SLC35F4: variants seen among roughly 807,000 people sequenced by gnomAD.
SLC35F4 encodes the protein chromosome 14 open reading frame 36.
Under a neutral mutation model 44.2 loss-of-function variants are expected in SLC35F4, and 24 were observed. The ratio of observed to expected loss-of-function variants is 0.54; its 90% confidence interval spans 0.39 to 0.76. The LOEUF (loss-of-function observed/expected upper bound fraction) is 0.76, where lower values mean the gene tolerates loss of function less well. Ranked by LOEUF, SLC35F4 falls within the 30% of genes least tolerant of loss-of-function variation. SLC35F4 has a pLI of 0.00. For synonymous variants in SLC35F4, 238 were observed against 223.6 expected, an observed-to-expected ratio of 1.06 and a Z score of -0.57; for missense variants, 562 against 586.1, an observed-to-expected ratio of 0.96 and a Z score of 0.42.
At chr14:57,711,483 T>A (rs2075816682) in intron 1 of SLC35F4, among the ~76,000 whole-genome samples, 1 of 152,158 alleles carries the variant, frequency 6.6e-6, no homozygotes, top group African/African-American at 2.4e-5. Context: ...TCATATGAAA[T>A]GGCCATTATG....
At chr14:57,822,137 G>C (rs535651095) in intron 1 of SLC35F4, among the ~76,000 whole-genome samples, 1 of 152,206 alleles carries the variant, frequency 6.6e-6, no homozygotes, top group Non-Finnish European at 1.5e-5. Context: ...TGACAGCTCA[G>C]ACCTCATGGG....
upstream of SLC35F4, among the ~76,000 whole-genome samples, chr14:57,867,609 C>CA (rs386381465): frequency 2.0e-5 from 3 of 151,770 alleles, no homozygotes; most frequent in East Asian, 2.0e-4. Flanking sequence ...TACACCCCCC[C>CA]CCACGTGAAA....
At chr14:57,772,938 T>A (rs1203844823) in intron 1 of SLC35F4, among the ~76,000 whole-genome samples, 1 of 152,218 alleles carries the variant, frequency 6.6e-6, no homozygotes. Flanking sequence ...CCGTACTGTT[T>A]TCCATAGAGG....
At chr14:57,632,216 T>C (rs570322304) in intron 1 of SLC35F4, among the ~76,000 whole-genome samples, 4 of 152,138 alleles carry the variant, frequency 2.6e-5, no homozygotes, top group Non-Finnish European at 5.9e-5. Flanking sequence ...AGCAGTAGTT[T>C]GCAGTTCTAG....
At chr14:57,920,766 A>C (rs1239107078) in intron 1 of SLC35F4, among the ~76,000 whole-genome samples, 1 of 152,236 alleles carries the variant, frequency 6.6e-6, no homozygotes, top group Non-Finnish European at 1.5e-5. Flanking sequence ...TATTCTAATT[A>C]GGTCTATAAC....
chr14:57,751,595 T>G (rs75723057), intron 1 of SLC35F4, among the ~76,000 whole-genome samples: 1 of 152,190 alleles, frequency 6.6e-6, no homozygotes, highest in African/African-American at 2.4e-5. Context: ...CTAGTGCTTC[T>G]AGACTGTGTT....
At chr14:57,950,095 C>T (rs1028724760) in intron 1 of SLC35F4, among the ~76,000 whole-genome samples, 1 of 152,108 alleles carries the variant, frequency 6.6e-6, no homozygotes, top group Non-Finnish European at 1.5e-5. Flanking sequence ...CAGGGAAGTT[C>T]TCCTCAATTA....
intron 1 of SLC35F4, among the ~76,000 whole-genome samples, chr14:57,720,555 G>A (rs752275145): frequency 6.6e-6 from 1 of 152,034 alleles, no homozygotes; most frequent in African/African-American, 2.4e-5. Flanking sequence ...GGTCAATCTT[G>A]GTAGGTTGTA....
intron 1 of SLC35F4, among the ~76,000 whole-genome samples, chr14:57,963,855 T>G (rs1336278481): frequency 6.6e-6 from 1 of 151,544 alleles, no homozygotes; most frequent in Non-Finnish European, 1.5e-5. Flanking sequence ...CACATGTAGC[T>G]GAGACTACAG....
intron 1 of SLC35F4, among the ~76,000 whole-genome samples, chr14:57,735,237 A>G (rs1418684625): frequency 9.9e-5 from 15 of 152,180 alleles, no homozygotes; most frequent in Non-Finnish European, 1.5e-5. Context: ...TACAGCACCA[A>G]AGTAAAGCTA....
intron 1 of SLC35F4, among the ~76,000 whole-genome samples, chr14:57,612,078 T>G (rs1158466348): frequency 2.0e-5 from 3 of 151,802 alleles, no homozygotes; most frequent in Non-Finnish European, 4.4e-5. Context: ...TACCACTGAG[T>G]AGAGGAGGCA....
chr14:57,710,865 C>T (rs1264262689), intron 1 of SLC35F4, among the ~76,000 whole-genome samples: 4 of 152,034 alleles, frequency 2.6e-5, no homozygotes, highest in South Asian at 2.1e-4. Flanking sequence ...TTTTATTTTA[C>T]CTGCTCATAG....
intron 3 of SLC35F4, among the ~76,000 whole-genome samples, chr14:57,586,255 T>C (rs1267192120): frequency 6.6e-6 from 1 of 152,152 alleles, no homozygotes; most frequent in Non-Finnish European, 1.5e-5. Context: ...TAAATGGTGT[T>C]GGGAAAATTG....
At chr14:57,640,417 A>G (rs115245170) in intron 1 of SLC35F4, among the ~76,000 whole-genome samples, 4,228 of 152,182 alleles carry the variant, frequency 0.028, 85 homozygotes, top group South Asian at 0.075. Flanking sequence ...AGAACACATG[A>G]GGCTTGAACC....
At chr14:57,592,414 C>A (rs963787627) in intron 2 of SLC35F4, among the ~76,000 whole-genome samples, 8 of 152,074 alleles carry the variant, frequency 5.3e-5, no homozygotes, top group African/African-American at 1.9e-4. Flanking sequence ...TGGAATATCC[C>A]CAAGTGCTTC....
intron 1 of SLC35F4, among the ~76,000 whole-genome samples, chr14:57,713,318 T>C (rs1386827528): frequency 6.6e-6 from 1 of 152,176 alleles, no homozygotes; most frequent in African/African-American, 2.4e-5. Flanking sequence ...AAACCCTTCA[T>C]TGGCTCTCCC....
chr14:57,573,228 G>A (rs2068603962), intron 4 of SLC35F4, among the ~76,000 whole-genome samples: 1 of 152,168 alleles, frequency 6.6e-6, no homozygotes, highest in Non-Finnish European at 1.5e-5. Flanking sequence ...TTCAGACGCT[G>A]CTAAAGCATG....
chr14:57,603,497 G>A (rs1246900700), intron 1 of SLC35F4, among the ~76,000 whole-genome samples: 7 of 152,164 alleles, frequency 4.6e-5, no homozygotes, highest in Non-Finnish European at 8.8e-5. Context: ...AAATAATTCT[G>A]CTTGCTCTTG....
intron 7 of SLC35F4, among the ~76,000 whole-genome samples, 163 bp from the exon 8 acceptor site, chr14:57,564,539 T>A (rs1192081871): frequency 6.6e-6 from 1 of 152,228 alleles, no homozygotes; most frequent in Admixed American, 6.5e-5. Context: ...TTCCACTGCC[T>A]GTCTCTAAGT....
Sources: gnomAD v4.1 joint callset for allele counts (sites outside exome capture counted in the v4.1 genomes callset) on GRCh38, gnomAD v4.1.1 for gene constraint, MANE v1.5 for transcripts, NCBI Gene and HGNC (gene_info 2026-07-23, HGNC 2026-07-21) for gene names.